HECTD4: variants seen among roughly 807,000 people sequenced by gnomAD.
The protein encoded by HECTD4 is HECT domain E3 ubiquitin protein ligase 4.
In HECTD4, 114 loss-of-function variants were observed where a neutral mutation model predicts 471.5. The observed-to-expected ratio is 0.24, with a 90% confidence interval of 0.21 to 0.28. The LOEUF is 0.28. Among genes scored for constraint, HECTD4 ranks in the 10% least tolerant of loss-of-function variants. The probability of loss-of-function intolerance (pLI) is 1.00; values close to 1 mark genes in which losing one functional copy is unlikely to be tolerated. For synonymous variants in HECTD4, 2,012 were observed against 2,256.0 expected, an observed-to-expected ratio of 0.89 and a Z score of 3.07; for missense variants, 3,866 against 5,651.5, an observed-to-expected ratio of 0.68 and a Z score of 10.13.
rs2032394224 is a variant in HECTD4, at chr12:112,200,620, A to G, written c.8567+18T>C. 1 of 1,600,686 alleles carries G rather than the reference A, an allele frequency of 6.2e-7. No individual in the cohort carries two copies. Among genetic ancestry groups the G allele is most frequent in the African/African-American group, 1.3e-5 (1 of 74,668 alleles). Reference sequence around the variant, plus strand: ...GGTGGATTTCTGTGACCCAGTAGAAAGAAGGGCCCAATTGTACCTGTGAAT... The same window carrying G: ...GGTGGATTTCTGTGACCCAGTAGAAGGAAGGGCCCAATTGTACCTGTGAAT... On this transcript the variant is annotated intron_variant, in intron 55 of 75. Coordinates refer to ENST00000682272, the MANE Select transcript of HECTD4 (RefSeq NM_001388303.1).
intron 13 of HECTD4, among the ~76,000 whole-genome samples, chr12:112,267,653 T>C (rs2034309770): frequency 6.6e-6 from 1 of 152,194 alleles, no homozygotes; most frequent in African/African-American, 2.4e-5. Flanking sequence ...GAAAAGTCAA[T>C]GTAGTCAAGC....
chr12:112,266,638 T>C (rs371051724), intron 14 of HECTD4, among the ~76,000 whole-genome samples: 6 of 152,322 alleles, frequency 3.9e-5, no homozygotes, highest in African/African-American at 1.4e-4. Flanking sequence ...TGGGCCACCA[T>C]GCCCAGCTAA....
At chr12:112,360,323 C>G (rs1420620763) in intron 1 of HECTD4, among the ~76,000 whole-genome samples, 1 of 152,086 alleles carries the variant, frequency 6.6e-6, no homozygotes, top group African/African-American at 2.4e-5. Context: ...GAGTGAGACC[C>G]TGTCTCTAAG....
At chr12:112,354,515 C>T (rs564909134) in intron 1 of HECTD4, among the ~76,000 whole-genome samples, 10 of 152,200 alleles carry the variant, frequency 6.6e-5, no homozygotes, top group African/African-American at 2.4e-4. Context: ...GGTGAAACCT[C>T]GTCTCTACAG....
At chr12:112,378,809 C>T (rs112881953) in intron 1 of HECTD4, among the ~76,000 whole-genome samples, 6,088 of 152,040 alleles carry the variant, frequency 0.04, 267 homozygotes, top group African/African-American at 0.11. Flanking sequence ...TTTGGGAGGC[C>T]GAGGCGGGAG....
At position 112,167,027 on chromosome 12, in the gene HECTD4, C is replaced by T. The variant is rs548043452; in HGVS notation, c.12534+290G>A. 322 of 321,708 alleles carry T rather than the reference C, an allele frequency of 1.0e-3. 4 individuals are homozygous for T. The highest frequency in any genetic ancestry group is 6.4e-3 in the African/African-American group (300 of 46,668). The allele number at this position is 321,708 out of a possible 1,614,324, so 19.9% of individuals were successfully genotyped here. On this transcript the variant is annotated intron_variant, in intron 72 of 75. Coordinates refer to ENST00000682272, the MANE Select transcript of HECTD4 (RefSeq NM_001388303.1). Reference sequence around the variant, plus strand: ...CAGCTGTTCTCCCAGTGCCTGTTCACTCAGCTCCAGGAGCCCTTGCCCATG... The same window carrying T: ...CAGCTGTTCTCCCAGTGCCTGTTCATTCAGCTCCAGGAGCCCTTGCCCATG...
At chr12:112,287,403 G>A (rs1308674847) in intron 7 of HECTD4, among the ~76,000 whole-genome samples, 1 of 152,038 alleles carries the variant, frequency 6.6e-6, no homozygotes, top group Admixed American at 6.6e-5. Context: ...GATCATAACT[G>A]GAAGGAAACA....
intron 29 of HECTD4, among the ~76,000 whole-genome samples, chr12:112,245,998 G>C (rs2033750672): frequency 6.6e-6 from 1 of 152,092 alleles, no homozygotes; most frequent in African/African-American, 2.4e-5. Flanking sequence ...TGGGCATGGT[G>C]GTGAGCGCCT....
At chr12:112,214,583 GA>G (rs137875752) in intron 48 of HECTD4, among the ~76,000 whole-genome samples, 11 of 152,314 alleles carry the variant, frequency 7.2e-5, no homozygotes, top group Non-Finnish European at 1.5e-4. Flanking sequence ...CATTTCTCTA[GA>G]AAGAGGGTAG....
At position 112,309,620 on chromosome 12, in the gene HECTD4, A is replaced by G; in HGVS notation, c.966T>C (p.Thr322=). 6.5e-7 allele frequency: 1 copy of G among 1,535,674 alleles called. No individual in the cohort carries two copies. Among genetic ancestry groups the G allele is most frequent in the Non-Finnish European group, 8.7e-7 (1 of 1,145,632 alleles). The change falls in exon 5 of 76, where the codon ACT becomes ACC. Residue 322 remains threonine, a synonymous_variant. Coordinates refer to ENST00000682272, the MANE Select transcript of HECTD4 (RefSeq NM_001388303.1). ...CLTADGLYLY[T]TNSVGRGVSK... Reference sequence around the variant, plus strand: ...TTACTCCTCTTCCAACTGAGTTAGTAGTATACAGGTAAAGACCATCTGCCG... The same window carrying G: ...TTACTCCTCTTCCAACTGAGTTAGTGGTATACAGGTAAAGACCATCTGCCG...
In HECTD4 at chr12:112,266,974, A is replaced by G; in HGVS notation, c.2330T>C (p.Leu777Ser). 1 of 1,526,180 alleles carries G rather than the reference A, an allele frequency of 6.6e-7. No individual in the cohort carries two copies. The highest frequency in any genetic ancestry group is 8.9e-7 in the Non-Finnish European group (1 of 1,122,840). The allele number at this position is 1,526,180 out of a possible 1,614,324, so 94.5% of individuals were successfully genotyped here. The stretch of plus-strand genomic sequence containing the variant: ...AGTTTCACCTGGGTACAAGATATTT[A>G]AACCAGAGCTGAAATGACAAAAAAG... Reference protein sequence around the residue: ...KEVCLAISSGLNILYPGETEI... With the variant: ...KEVCLAISSGSNILYPGETEI... The change falls in exon 14 of 76, where the codon TTA becomes TCA. Residue 777 changes from leucine to serine, a missense_variant. By Grantham distance (145) the Leu-to-Ser change is moderately radical. Coordinates refer to ENST00000682272, the MANE Select transcript of HECTD4 (RefSeq NM_001388303.1).
chr12:112,192,690 C>T lies in HECTD4; in HGVS notation c.9162G>A (p.Gln3054=), dbSNP rs1468959289. ...GLGHKVKRNG[Q]LNLIEAACYP... Reference sequence around the variant, plus strand: ...AACAGGCGGCCTCGATGAGGTTCAGCTGGCCATTTCGCTTCACTTTGTGGC... The same window carrying T: ...AACAGGCGGCCTCGATGAGGTTCAGTTGGCCATTTCGCTTCACTTTGTGGC... The change falls in exon 59 of 76, where the codon CAG becomes CAA. Residue 3054 remains glutamine (Q), a synonymous_variant. Coordinates refer to ENST00000682272, the MANE Select transcript of HECTD4 (RefSeq NM_001388303.1). 1 of 1,602,256 alleles carries T rather than the reference C, an allele frequency of 6.2e-7. No individual in the cohort carries two copies. The highest frequency in any genetic ancestry group is 2.2e-5 in the East Asian group (1 of 44,454).
Position 112,184,935 on chromosome 12 carries a change from C to G in HECTD4, c.10031G>C (p.Gly3344Ala). The G allele has an allele frequency of 6.2e-7, 1 of 1,613,864 alleles. No individual in the cohort carries two copies. Among genetic ancestry groups the G allele is most frequent in the South Asian group, 1.1e-5 (1 of 91,070 alleles). Residue 3344 changes from glycine to alanine, a missense_variant, in exon 61 of 76, where the codon GGA (glycine) becomes GCA (alanine). Coordinates refer to ENST00000682272, the MANE Select transcript of HECTD4 (RefSeq NM_001388303.1). This position sits in a 1 kb window ranked among gnomAD's most constrained non-coding sequence, Gnocchi z 9.1. ...CAGCATGTCCTCGGGCTTGCTGCCT[C>G]CGATGCTGAGCACGGTGGGGTCCGA... Reference protein sequence around the residue: ...VDSDPTVLSIGGSKPEDMLWF... With the variant: ...VDSDPTVLSIAGSKPEDMLWF...
chr12:112,335,414 T>C (rs2035935551), intron 1 of HECTD4, among the ~76,000 whole-genome samples: 1 of 152,044 alleles, frequency 6.6e-6, no homozygotes, highest in Admixed American at 6.6e-5. Context: ...GATAAAAGAC[T>C]ATAAATTGCG....
chr12:112,255,194 C>T (rs191207240), intron 21 of HECTD4, among the ~76,000 whole-genome samples: 3 of 152,312 alleles, frequency 2.0e-5, no homozygotes, highest in African/African-American at 7.2e-5. Context: ...ACGACACCAA[C>T]TAAAATGGCA....
chr12:112,174,976 C>T (rs963174710), intron 66 of HECTD4, among the ~76,000 whole-genome samples: 3 of 152,158 alleles, frequency 2.0e-5, no homozygotes, highest in Non-Finnish European at 4.4e-5. Flanking sequence ...TTCTGAAGTG[C>T]CTGGGATTCA....
rs2033291812 is a variant in HECTD4 at position 112,228,273 on chromosome 12, G to A, written c.6685-15C>T. 6.4e-7 allele frequency: 1 copy of A among 1,552,340 alleles called. No individual in the cohort carries two copies. The highest frequency in any genetic ancestry group is 1.2e-5 in the South Asian group (1 of 81,234). On this transcript the variant is annotated splice_polypyrimidine_tract_variant and intron_variant, in intron 42 of 75. Coordinates refer to ENST00000682272, the MANE Select transcript of HECTD4 (RefSeq NM_001388303.1). This position sits in a 1 kb window ranked among gnomAD's most constrained non-coding sequence, Gnocchi z 4.9. The stretch of plus-strand genomic sequence containing the variant: ...AGAGGCAATGCCTGATGGCGGTGGG[G>A]GGGCATGGCAAAAAGTTAAATTCAA...
At chr12:112,328,783 G>A (rs2035795064) in intron 1 of HECTD4, among the ~76,000 whole-genome samples, 1 of 152,146 alleles carries the variant, frequency 6.6e-6, no homozygotes, top group African/African-American at 2.4e-5. Flanking sequence ...TGTAAAAAGG[G>A]TCTTAAACCT....
At position 112,381,893 on chromosome 12, in the gene HECTD4, C is replaced by T. The variant is rs2036901921; in HGVS notation, c.177+59G>A. ...GCTGAGGCGAGGAGGGGGCCCGACCCGGGGGTGCCGGGCGAGTGGGTCAGT... is the reference window on the plus strand; with the variant it reads ...GCTGAGGCGAGGAGGGGGCCCGACCTGGGGGTGCCGGGCGAGTGGGTCAGT... On this transcript the variant is annotated intron_variant, in intron 1 of 75. Coordinates refer to ENST00000682272, the MANE Select transcript of HECTD4 (RefSeq NM_001388303.1). This position sits in a 1 kb window ranked among gnomAD's most constrained non-coding sequence, Gnocchi z 4.1. 1.7e-6 allele frequency: 2 copies of T among 1,169,030 alleles called. No individual in the cohort carries two copies. Among genetic ancestry groups the T allele is most frequent in the African/African-American group, 1.6e-5 (1 of 62,710 alleles). The allele number at this position is 1,169,030 out of a possible 1,614,324, so 72.4% of individuals were successfully genotyped here. A position where few individuals can be genotyped will look rare whatever the true frequency, so the allele number is the denominator to read the frequency against.
Sources: gnomAD v4.1 joint callset for allele counts (sites outside exome capture counted in the v4.1 genomes callset) on GRCh38, gnomAD v4.1.1 for gene constraint, Gnocchi (gnomAD v3.1) non-coding constraint, MANE v1.5 for transcripts, NCBI Gene and HGNC (gene_info 2026-07-23, HGNC 2026-07-21) for gene names.